ARID2: variants seen among roughly 807,000 people sequenced by gnomAD.
ARID2 encodes AT-rich interaction domain 2.
Under a neutral mutation model 184.6 loss-of-function variants are expected in ARID2, and 32 were observed. The ratio of observed to expected loss-of-function variants is 0.17; its 90% CI spans 0.13 to 0.23. The LOEUF is 0.23. Ranked by LOEUF, ARID2 falls within the 10% of genes least tolerant of loss-of-function variation. The pLI is 1.00. For missense variants in ARID2, 1,696 were observed against 2,197.6 expected (o/e 0.77, Z 4.56); for synonymous variants, 836 against 772.6 (o/e 1.08, Z -1.36).
Position 45,850,224 on chromosome 12 carries a change from A to T in ARID2, c.2101A>T (p.Thr701Ser). 1 of 1,614,156 alleles carries T rather than the reference A, an allele frequency of 6.2e-7. No homozygotes were observed. The highest frequency in any genetic ancestry group is 8.5e-7 in the Non-Finnish European group (1 of 1,180,006). Residue 701 changes from threonine (T) to serine (S), a missense_variant, in exon 15 of 21, where the codon ACT (threonine) becomes TCT (serine). Transcript: ENST00000334344. ...HTHQQQNAPV[T>S]VIQSKAPIPC... ...CCACCAGCAACAAAATGCTCCAGTGACTGTCATTCAAAGTAAAGCTCCAAT... is the reference window on the plus strand; with the variant it reads ...CCACCAGCAACAAAATGCTCCAGTGTCTGTCATTCAAAGTAAAGCTCCAAT...
intron 4 of ARID2, among the ~76,000 whole-genome samples, chr12:45,816,165 G>A (rs1324104565): frequency 6.6e-6 from 1 of 152,054 alleles, no homozygotes; most frequent in Non-Finnish European, 1.5e-5. Context: ...TTAGTGTTCT[G>A]TAAGCCCGTT....
At chr12:45,866,321 C>G (rs1237024011) in intron 16 of ARID2, among the ~76,000 whole-genome samples, 1 of 152,094 alleles carries the variant, frequency 6.6e-6, no homozygotes, top group South Asian at 2.1e-4. Flanking sequence ...ACATTTCTTT[C>G]CATAAATAAG....
chr12:45,836,051 C>T (rs1034789388), intron 6 of ARID2, among the ~76,000 whole-genome samples: 1 of 152,034 alleles, frequency 6.6e-6, no homozygotes, highest in East Asian at 1.9e-4. Flanking sequence ...TTAAAAAGCC[C>T]TAAACATAAA....
At chr12:45,767,223 C>T (rs574485170) in intron 3 of ARID2, among the ~76,000 whole-genome samples, 1 of 152,168 alleles carries the variant, frequency 6.6e-6, no homozygotes, top group South Asian at 2.1e-4. Flanking sequence ...CTTTTGTGCA[C>T]CTTTGAAATT....
intron 3 of ARID2, among the ~76,000 whole-genome samples, chr12:45,778,494 CAG>C (rs1311286007): frequency 6.6e-6 from 1 of 151,688 alleles, no homozygotes; most frequent in African/African-American, 2.4e-5. Flanking sequence ...GTAGAGAAGG[CAG>C]AGAGAGAAGT....
intron 3 of ARID2, among the ~76,000 whole-genome samples, chr12:45,783,431 T>C (rs1942134300): frequency 6.6e-6 from 1 of 152,228 alleles, no homozygotes; most frequent in Admixed American, 6.5e-5. Context: ...TGATAGAGTA[T>C]TTAATCAGAA....
intron 16 of ARID2, among the ~76,000 whole-genome samples, chr12:45,886,598 C>A (rs1445804002): frequency 6.6e-6 from 1 of 152,212 alleles, no homozygotes; most frequent in Admixed American, 6.5e-5. Flanking sequence ...CAGCAAACTT[C>A]TGCTTGGACA....
intron 12 of ARID2, among the ~76,000 whole-genome samples, chr12:45,847,369 ACTT>A (rs1468439723): frequency 2.6e-5 from 4 of 152,044 alleles, no homozygotes; most frequent in Admixed American, 2.0e-4. Context: ...CTAAAACAAA[ACTT>A]CTTATTCTTT....
At chr12:45,886,062 C>T (rs1055568590) in intron 16 of ARID2, among the ~76,000 whole-genome samples, 1 of 152,158 alleles carries the variant, frequency 6.6e-6, no homozygotes, top group African/African-American at 2.4e-5. Flanking sequence ...AAGTCCAAGT[C>T]CAAAGTCTCA....
At chr12:45,739,470 C>T (rs1348952470) in intron 3 of ARID2, among the ~76,000 whole-genome samples, 83 of 103,976 alleles carry the variant, frequency 8.0e-4, no homozygotes, top group African/African-American at 2.9e-3. Context: ...TTTGAGACAG[C>T]GTCTGGCTCT....
intron 11 of ARID2, chr12:45,846,163 A>C (rs918215903): frequency 2.0e-5 from 3 of 152,170 alleles, no homozygotes; most frequent in African/African-American, 7.2e-5. Context: ...ATTAATAGCT[A>C]GTACATTTGT....
chr12:45,860,649 A>C (rs1311448595), intron 15 of ARID2, 152 bp from the exon 16 acceptor site: 1 of 627,454 alleles, frequency 1.6e-6, no homozygotes, highest in East Asian at 3.9e-5. Flanking sequence ...TAATTTTTAA[A>C]GATTTTAAAG....
chr12:45,863,552 A>T (rs1312576264), intron 16 of ARID2, among the ~76,000 whole-genome samples: 1 of 152,016 alleles, frequency 6.6e-6, no homozygotes, highest in Non-Finnish European at 1.5e-5. Flanking sequence ...GCATCATTGC[A>T]CTCCAGCCTC....
chr12:45,866,946 G>GTTGTTGTTGTTT, intron 16 of ARID2, among the ~76,000 whole-genome samples: 1 of 151,728 alleles, frequency 6.6e-6, no homozygotes, highest in Non-Finnish European at 1.5e-5. Context: ...TGTTGTTGTT[G>GTTGTTGTTGTTT]TTGTTGTTGT....
In ARID2 at chr12:45,851,178, C is replaced by G; in HGVS notation, c.3055C>G (p.Pro1019Ala). 20 of 1,614,110 alleles carry G rather than the reference C, an allele frequency of 1.2e-5. No individual in the cohort carries two copies. The highest frequency in any genetic ancestry group is 1.7e-5 in the Non-Finnish European group (20 of 1,179,998). ...AAGGCAGCAACAGCAGCAACATTCA[C>G]CAGCACCCCCACCACAGCAGGTACA... ...VKRQQQQQHS[P>A]APPPQQVQVQ... The change falls in exon 15 of 21, where the codon CCA becomes GCA. Residue 1019 changes from proline (P) to alanine (A), a missense_variant. By Grantham distance (27) the Pro-to-Ala change is conservative. This residue lies in a region of ARID2 where 713 missense variants were observed against 824.4 expected (regional missense o/e 0.86). Transcript: ENST00000334344.
rs776986089 is a variant in ARID2 at position 45,837,429 on chromosome 12, C to A, written c.1120+12C>A. 1 of 1,610,168 alleles carries A rather than the reference C, an allele frequency of 6.2e-7. No homozygotes were observed. Among genetic ancestry groups the A allele is most frequent in the Non-Finnish European group, 8.5e-7 (1 of 1,177,550 alleles). ...TTTAAAGATGAGAGGTGAGTTTTCA[C>A]TGAAGTATTTACTTTCTAAAGTAAA... On this transcript the variant is annotated intron_variant, in intron 9 of 20. Coordinates refer to ENST00000334344, the MANE Select transcript of ARID2 (RefSeq NM_152641.4).
chr12:45,793,630 A>G (rs1209050565), intron 3 of ARID2, among the ~76,000 whole-genome samples: 2 of 151,438 alleles, frequency 1.3e-5, no homozygotes. Flanking sequence ...CTATATTTAA[A>G]TCCCAGAGGA....
Position 45,821,425 on chromosome 12 carries a change from G to T in ARID2, c.643G>T (p.Gly215Ter). The T allele has an allele frequency of 6.6e-7, 1 of 1,510,076 alleles. No individual in the cohort carries two copies. 93.5% of individuals were successfully genotyped at this position (1,510,076 alleles called of 1,614,324 possible). A position where few individuals can be genotyped will look rare whatever the true frequency, so the allele number is the denominator to read the frequency against. The change falls in exon 6 of 21, where the codon GGA becomes TGA. Residue 215 changes from glycine to a stop codon, truncating the protein, a stop_gained. Transcript: ENST00000334344. LOFTEE classifies it high-confidence loss of function. ...TTTATTTATTTGTTTTTTAGCTTTA[G>T]GATCCTTTTCCACTGTATTTGGAGA... ...ANAGVFDDTL[G>*]SFSTVFGEEW... is the part of the protein sequence containing the mutation.
chr12:45,905,951 T>TCTTTTTTTTTTTTTTTTTTTC lies in ARID2; in HGVS notation c.*885_*886insTTTTTTTTCCTTTTTTTTTTT, dbSNP rs1944523486. 1 of 226,882 alleles carries TCTTTTTTTTTTTTTTTTTTTC rather than the reference T, an allele frequency of 4.4e-6. No homozygotes were observed. Among genetic ancestry groups the TCTTTTTTTTTTTTTTTTTTTC allele is most frequent in the African/African-American group, 2.3e-5 (1 of 43,188 alleles). The allele number at this position is 226,882 out of a possible 1,614,324, so 14.1% of individuals were successfully genotyped here. On this transcript the variant is annotated 3_prime_UTR_variant, in exon 21 of 21. Transcript: ENST00000334344. ...TTTTTTTCTTTTTTCTTTTTTTTTT[T>TCTTTTTTTTTTTTTTTTTTTC]CTTTTTTTTTTTGTATTATACACCT...
Sources: allele counts gnomAD v4.1 joint callset (sites outside exome capture counted in the v4.1 genomes callset), GRCh38; gene constraint gnomAD v4.1.1; regional missense constraint gnomAD v4.1.1; transcripts MANE v1.5; gene names NCBI Gene and HGNC (gene_info 2026-07-23, HGNC 2026-07-21).